The following MITF variants were observed in gnomAD, a reference collection of about 807,000 sequenced individuals.
MITF encodes the protein microphthalmia-associated transcription factor.
MITF carries 17 observed loss-of-function variants against 60.5 expected under a neutral mutation model. That is an observed-to-expected ratio of 0.28 (90% confidence interval 0.19 to 0.42). MITF has a LOEUF of 0.42. MITF is among the 10% of genes least tolerant of loss of function. The pLI is 1.00. For synonymous variants in MITF, 260 were observed against 248.5 expected (o/e 1.05, Z -0.43); for missense variants, 622 against 683.5 (o/e 0.91, Z 1.00).
intron 1 of MITF, among the ~76,000 whole-genome samples, chr3:69,817,268 C>T (rs1400352937): frequency 6.6e-6 from 1 of 152,064 alleles, no homozygotes; most frequent in Non-Finnish European, 1.5e-5. Context: ...ATTTTCCAAA[C>T]CTGTCTCACC....
At chr3:69,789,791 G>C (rs2062709714) in intron 1 of MITF, among the ~76,000 whole-genome samples, 1 of 152,134 alleles carries the variant, frequency 6.6e-6, no homozygotes, top group Non-Finnish European at 1.5e-5. Context: ...AGGAGGCAGA[G>C]GCTGCAATGA....
chr3:69,861,544 G>A (rs2064016991), intron 1 of MITF, among the ~76,000 whole-genome samples: 1 of 152,156 alleles, frequency 6.6e-6, no homozygotes, highest in Non-Finnish European at 1.5e-5. Flanking sequence ...GTCAGGAGGC[G>A]CCAGGCCAGG....
intron 1 of MITF, among the ~76,000 whole-genome samples, chr3:69,759,512 A>T (rs1336467248): frequency 2.6e-5 from 4 of 152,214 alleles, no homozygotes; most frequent in Non-Finnish European, 5.9e-5. Context: ...TGTTCTGTGC[A>T]CGTGATTGAC....
intron 1 of MITF, among the ~76,000 whole-genome samples, chr3:69,744,056 T>C (rs1057332233): frequency 6.6e-6 from 1 of 152,168 alleles, no homozygotes; most frequent in East Asian, 1.9e-4. Flanking sequence ...TGAAAGTGAG[T>C]ATTAGCTTTA....
At chr3:69,874,584 G>A in intron 1 of MITF, among the ~76,000 whole-genome samples, 1 of 152,306 alleles carries the variant, frequency 6.6e-6, no homozygotes, top group South Asian at 2.1e-4. Context: ...ACAAGTTACC[G>A]CACAGCCCAG....
At chr3:69,929,975 A>C (rs2065681547) in intron 2 of MITF, among the ~76,000 whole-genome samples, 1 of 152,178 alleles carries the variant, frequency 6.6e-6, no homozygotes, top group African/African-American at 2.4e-5. Flanking sequence ...AAGCCAGAGG[A>C]AGACCATTTT....
chr3:69,870,688 A>AT (rs926262474), intron 1 of MITF, among the ~76,000 whole-genome samples: 29 of 151,880 alleles, frequency 1.9e-4, no homozygotes, highest in African/African-American at 7.0e-4. Flanking sequence ...CCACCTGGAT[A>AT]TATATATTTT....
At chr3:69,769,337 C>T (rs1363356897) in intron 1 of MITF, 1 of 152,162 alleles carries the variant, frequency 6.6e-6, no homozygotes, top group Non-Finnish European at 1.5e-5. Context: ...ACCTAGTTAG[C>T]ACTCATATCT....
intron 2 of MITF, among the ~76,000 whole-genome samples, chr3:69,885,802 T>C (rs1037813731): frequency 1.3e-5 from 2 of 152,114 alleles, no homozygotes; most frequent in African/African-American, 4.8e-5. Flanking sequence ...GTGTTTTGTT[T>C]AGGGACCATT....
At chr3:69,747,069 G>A (rs1035831024) in intron 1 of MITF, among the ~76,000 whole-genome samples, 1 of 152,206 alleles carries the variant, frequency 6.6e-6, no homozygotes, top group African/African-American at 2.4e-5. Flanking sequence ...GAGTGATGAA[G>A]CTTTTATCTT....
chr3:69,851,368 C>A (rs1459694343), intron 1 of MITF, among the ~76,000 whole-genome samples: 2 of 152,110 alleles, frequency 1.3e-5, no homozygotes, highest in African/African-American at 4.8e-5. Flanking sequence ...AAATGGATAG[C>A]ACCTTTTATT....
intron 1 of MITF, among the ~76,000 whole-genome samples, chr3:69,747,746 GGTCTTGT>G (rs1210478028): frequency 6.6e-6 from 1 of 152,118 alleles, no homozygotes; most frequent in Non-Finnish European, 1.5e-5. Flanking sequence ...AGAGGAGATG[GGTCTTGT>G]TAGTTTTGTT....
At chr3:69,952,384 AT>A (rs1327462332) in intron 7 of MITF, among the ~76,000 whole-genome samples, 1 of 152,104 alleles carries the variant, frequency 6.6e-6, no homozygotes, top group Non-Finnish European at 1.5e-5. Flanking sequence ...CATTTAAAAT[AT>A]TTTTTACGTG....
chr3:69,858,692 T>G (rs1365347444), intron 1 of MITF, among the ~76,000 whole-genome samples: 4 of 152,162 alleles, frequency 2.6e-5, no homozygotes, highest in African/African-American at 4.8e-5. Flanking sequence ...ATATTTAGTC[T>G]TTAGTTATGC....
intron 1 of MITF, among the ~76,000 whole-genome samples, chr3:69,785,734 G>A (rs904342947): frequency 1.3e-5 from 2 of 152,102 alleles, no homozygotes; most frequent in African/African-American, 4.8e-5. Context: ...ACCTGAGAAA[G>A]TTCATCCTTG....
At chr3:69,836,230 G>T (rs1483529608) in intron 1 of MITF, among the ~76,000 whole-genome samples, 2 of 152,038 alleles carry the variant, frequency 1.3e-5, no homozygotes, top group Non-Finnish European at 2.9e-5. Flanking sequence ...TTTTTTGGTA[G>T]CTGTTGTAAA....
chr3:69,883,179 A>T (rs1201991746), intron 2 of MITF, among the ~76,000 whole-genome samples: 1 of 152,156 alleles, frequency 6.6e-6, no homozygotes, highest in Non-Finnish European at 1.5e-5. Context: ...GAAGGAATTT[A>T]TTTTTAAATT....
chr3:69,939,195 T>G lies in MITF; in HGVS notation c.666+14T>G. On this transcript the variant is annotated intron_variant, in intron 4 of 9. Transcript: ENST00000352241. ...TCCTGTATGCAGGTACTGAATGACT[T>G]GGCAGCCTGAGGATGAACACTTTGT... The G allele has an allele frequency of 6.2e-7, 1 of 1,611,602 alleles. No homozygotes were observed. Among genetic ancestry groups the G allele is most frequent in the Non-Finnish European group, 8.5e-7 (1 of 1,177,870 alleles).
intron 1 of MITF, among the ~76,000 whole-genome samples, chr3:69,839,305 A>G (rs2063589607): frequency 6.6e-6 from 1 of 152,102 alleles, no homozygotes; most frequent in South Asian, 2.1e-4. Context: ...AATGATAAAA[A>G]CACTGCTTTT....
Sources: allele counts gnomAD v4.1 joint callset (sites outside exome capture counted in the v4.1 genomes callset), GRCh38; gene constraint gnomAD v4.1.1; transcripts MANE v1.5; gene names NCBI Gene and HGNC (gene_info 2026-07-23, HGNC 2026-07-21).